The following SPIDR variants were observed in gnomAD, a reference collection of about 807,000 sequenced individuals.
SPIDR encodes scaffold protein involved in DNA repair.
Under a neutral mutation model 104.6 loss-of-function variants are expected in SPIDR, and 93 were observed. The observed-to-expected ratio is 0.89, with a 90% confidence interval of 0.75 to 1.06. The LOEUF (loss-of-function observed/expected upper bound fraction) is 1.06. SPIDR is among the 50% of genes least tolerant of loss of function. The pLI is 0.00. For synonymous variants in SPIDR, 431 were observed against 416.9 expected (o/e 1.03, Z -0.41); for missense variants, 1,154 against 1,111.2 (o/e 1.04, Z -0.55).
chr8:47,527,788 A>G (rs2085263772), intron 8 of SPIDR: 1 of 152,194 alleles, frequency 6.6e-6, no homozygotes, highest in South Asian at 2.1e-4. Context: ...TTCTATTTCC[A>G]TCTTTGGACA....
chr8:47,292,029 A>G (rs2154238463), intron 4 of SPIDR, among the ~76,000 whole-genome samples: 1 of 152,292 alleles, frequency 6.6e-6, no homozygotes, highest in Non-Finnish European at 1.5e-5. Context: ...AATCCCAGCC[A>G]CAGTGATGAT....
chr8:47,637,372 C>T (rs371900979), intron 10 of SPIDR, among the ~76,000 whole-genome samples: 1 of 152,164 alleles, frequency 6.6e-6, no homozygotes, highest in East Asian at 1.9e-4. Flanking sequence ...CAGTTCAAGA[C>T]CAGCCTGGCC....
chr8:47,513,411 A>G (rs191365609), intron 8 of SPIDR, among the ~76,000 whole-genome samples: 5 of 152,334 alleles, frequency 3.3e-5, no homozygotes, highest in Non-Finnish European at 5.9e-5. Context: ...ATTACAATCT[A>G]TACGTCTGTA....
chr8:47,600,955 G>A (rs917558864), intron 10 of SPIDR, among the ~76,000 whole-genome samples: 2 of 152,154 alleles, frequency 1.3e-5, no homozygotes, highest in Non-Finnish European at 2.9e-5. Context: ...ACCAATGCAC[G>A]TTATGAAGGC....
intron 8 of SPIDR, among the ~76,000 whole-genome samples, chr8:47,560,758 A>C (rs1048244878): frequency 2.6e-5 from 4 of 152,082 alleles, no homozygotes; most frequent in Admixed American, 2.6e-4. Context: ...CTTTATATGG[A>C]TCGTAGGGTG....
At chr8:47,347,153 T>A (rs1423665391) in intron 5 of SPIDR, among the ~76,000 whole-genome samples, 1 of 152,224 alleles carries the variant, frequency 6.6e-6, no homozygotes, top group African/African-American at 2.4e-5. Context: ...TGTGTCTTTG[T>A]TCTCACTGGT....
chr8:47,444,435 C>T (rs2070131364), intron 8 of SPIDR, among the ~76,000 whole-genome samples: 1 of 152,254 alleles, frequency 6.6e-6, no homozygotes, highest in Non-Finnish European at 1.5e-5. Flanking sequence ...TCAGAATACA[C>T]ATCCCAGTAT....
chr8:47,552,864 T>G (rs1283281668), intron 8 of SPIDR, among the ~76,000 whole-genome samples: 1 of 152,216 alleles, frequency 6.6e-6, no homozygotes, highest in Non-Finnish European at 1.5e-5. Context: ...ATTGATGGTC[T>G]TTACAATTTG....
intron 8 of SPIDR, among the ~76,000 whole-genome samples, chr8:47,470,769 C>G (rs2075577084): frequency 6.6e-6 from 1 of 152,008 alleles, no homozygotes; most frequent in Admixed American, 6.6e-5. Context: ...GAGTCTGGCT[C>G]TGTAGCCCAG....
intron 8 of SPIDR, among the ~76,000 whole-genome samples, chr8:47,505,445 A>C (rs910719456): frequency 6.6e-6 from 1 of 152,150 alleles, no homozygotes; most frequent in Non-Finnish European, 1.5e-5. Context: ...CATGTGCGGG[A>C]TATAATCTCC....
chr8:47,420,834 T>A (rs1342693345), intron 7 of SPIDR, among the ~76,000 whole-genome samples: 3 of 152,188 alleles, frequency 2.0e-5, no homozygotes, highest in East Asian at 1.9e-4. Flanking sequence ...TCCCAACATT[T>A]GTTTGAAACA....
At chr8:47,507,273 A>G (rs1052571924) in intron 8 of SPIDR, among the ~76,000 whole-genome samples, 52 of 152,170 alleles carry the variant, frequency 3.4e-4, no homozygotes, top group African/African-American at 1.1e-3. Context: ...ATAGTCCATG[A>G]TATGTGCCCA....
rs867745969 is a variant in SPIDR, at chr8:47,691,309, A to G, written c.1686-9094A>G. On this transcript the variant is annotated intron_variant, in intron 11 of 19. Transcript: ENST00000297423. ...CCGTCTCAAAAAAAAAAAAAAAAAA[A>G]AGAGAGAAAAGAAAAAGAAAAATAT... Among the ~76,000 whole-genome samples, 1,118 of 150,990 alleles carry G rather than the reference A, an allele frequency of 7.4e-3. 18 individuals are homozygous for G. Among genetic ancestry groups the G allele is most frequent in the African/African-American group, 0.025 (1,035 of 40,846 alleles).
At chr8:47,525,549 C>T (rs866511772) in intron 8 of SPIDR, among the ~76,000 whole-genome samples, 18 of 151,974 alleles carry the variant, frequency 1.2e-4, no homozygotes, top group African/African-American at 3.9e-4. Context: ...GCCTGTAATC[C>T]CAGCATTTTG....
chr8:47,396,548 C>T lies in SPIDR; in HGVS notation c.698C>T (p.Thr233Ile), dbSNP rs1306793411. The change falls in exon 6 of 20, where the codon ACC becomes ATC. Residue 233 changes from threonine (T) to isoleucine (I), a missense_variant. Thr to Ile is a moderately conservative substitution (Grantham distance 89). Transcript: ENST00000297423. ...GATCCAAGGACAAAATCAACAGAGA[C>T]CATTTTGCATACACCTCAGAAACCC... ...LIDPRTKSTETILHTPQKPTA... is the reference protein window; with the variant it reads ...LIDPRTKSTEIILHTPQKPTA... 6.2e-6 allele frequency: 10 copies of T among 1,614,092 alleles called. No homozygotes were observed. Among genetic ancestry groups the T allele is most frequent in the Non-Finnish European group, 7.6e-6 (9 of 1,179,988 alleles).
chr8:47,344,560 G>A (rs2051475497), intron 5 of SPIDR, among the ~76,000 whole-genome samples: 1 of 152,186 alleles, frequency 6.6e-6, no homozygotes, highest in African/African-American at 2.4e-5. Flanking sequence ...TTCCACAGTG[G>A]TTGAACCAGT....
chr8:47,484,507 G>A (rs1554729344), intron 8 of SPIDR, among the ~76,000 whole-genome samples: 1 of 152,196 alleles, frequency 6.6e-6, no homozygotes, highest in African/African-American at 2.4e-5. Context: ...GAACATGGTG[G>A]CAGAGGCACA....
chr8:47,331,040 A>C (rs1554604170), intron 5 of SPIDR: 3 of 304,752 alleles, frequency 9.8e-6, no homozygotes, highest in African/African-American at 6.5e-5. Context: ...AATTTTAGCC[A>C]TTCTAGTAAG....
chr8:47,582,444 G>A (rs558461162), intron 8 of SPIDR, among the ~76,000 whole-genome samples: 30 of 152,298 alleles, frequency 2.0e-4, no homozygotes, highest in Non-Finnish European at 2.6e-4. Flanking sequence ...TTTCACCGTT[G>A]ACAGTGCTGA....
Sources: allele counts gnomAD v4.1 joint callset (sites outside exome capture counted in the v4.1 genomes callset), GRCh38; gene constraint gnomAD v4.1.1; transcripts MANE v1.5; gene names NCBI Gene and HGNC (gene_info 2026-07-23, HGNC 2026-07-21).